CTNNA2: variants seen among roughly 807,000 people sequenced by gnomAD.
CTNNA2 encodes catenin alpha 2, also known as catenin alpha-2.
In CTNNA2, 42 loss-of-function variants were observed where a neutral mutation model predicts 101.0. That is an observed-to-expected ratio of 0.42 (90% confidence interval 0.32 to 0.54). CTNNA2 has a LOEUF of 0.54. Among genes scored for constraint, CTNNA2 ranks in the 20% least tolerant of loss-of-function variants. The pLI is 0.14. For missense variants in CTNNA2, 871 were observed against 1,223.1 expected, an observed-to-expected ratio of 0.71 and a Z score of 4.29; for synonymous variants, 450 against 456.4, an observed-to-expected ratio of 0.99 and a Z score of 0.18.
intron 7 of CTNNA2, among the ~76,000 whole-genome samples, chr2:80,381,711 G>A (rs1021038521): frequency 5.9e-5 from 9 of 152,142 alleles, no homozygotes; most frequent in East Asian, 3.9e-4. Context: ...CTGCCCACTG[G>A]CACCCACATA....
intron 9 of CTNNA2, among the ~76,000 whole-genome samples, chr2:80,463,424 T>G (rs959201522): frequency 6.6e-6 from 1 of 152,302 alleles, no homozygotes; most frequent in Middle Eastern, 3.4e-3. Context: ...AGGTAGGGAT[T>G]GCAGATCCTT....
intron 2 of CTNNA2, among the ~76,000 whole-genome samples, chr2:79,712,049 G>A (rs1024290023): frequency 6.6e-6 from 1 of 152,110 alleles, no homozygotes; most frequent in Non-Finnish European, 1.5e-5. Context: ...CTGTTCATGA[G>A]GCATTGATAA....
rs80173129 is a variant in CTNNA2, at chr2:79,991,627, T to C, written c.1056+81830T>C. Among the ~76,000 whole-genome samples the C allele has an allele frequency of 1.2e-3, 178 of 152,340 alleles. 5 individuals are homozygous for C. In the East Asian group the frequency reaches 0.034, roughly 29 times the overall value. On this transcript the variant is annotated intron_variant, in intron 7 of 18. Coordinates refer to ENST00000402739, the MANE Select transcript of CTNNA2 (RefSeq NM_001282597.3). ...ACTATAAATGTGTTTGTGTTATTAT[T>C]GTTTGTACTCATCTTAATTTCTATT...
chr2:79,724,575 G>C lies in CTNNA2; in HGVS notation c.103-19812G>C, dbSNP rs545498661. On this transcript the variant is annotated intron_variant, in intron 2 of 18. Transcript: ENST00000402739. ...TCACGCCTGTAACCCCAGTACTTTG[G>C]GAGGCTGAGGCGGTCGCATCAGGAG... 2.6e-5 allele frequency among the ~76,000 whole-genome samples: 4 copies of C among 152,072 alleles called. No individual in the cohort carries two copies. The East Asian group carries it at 7.8e-4, about 30-fold the overall frequency.
Position 80,109,409 on chromosome 2 carries a change from G to A in CTNNA2, c.1056+199612G>A, listed in dbSNP as rs562556640. On this transcript the variant is annotated intron_variant, in intron 7 of 18. Coordinates refer to ENST00000402739, the MANE Select transcript of CTNNA2 (RefSeq NM_001282597.3). ...CTGGGAGGTGGAGGTTGCAGTGAGC[G>A]GAGATTGCACCACTGCACTCCAGCC... 4.5e-4 allele frequency among the ~76,000 whole-genome samples: 69 copies of A among 152,092 alleles called. 2 individuals are homozygous for A. The South Asian group carries it at 9.5e-3, about 21-fold the overall frequency.
intron 4 of CTNNA2, among the ~76,000 whole-genome samples, chr2:79,464,820 T>C (rs1048749116): frequency 1.3e-5 from 2 of 152,220 alleles, no homozygotes; most frequent in African/African-American, 4.8e-5. Flanking sequence ...TGCCCACTTT[T>C]TGATGAAGTT....
chr2:79,280,656 T>TGTGTGTGTGTGTGTGTG (rs1337075035), intron 2 of CTNNA2, among the ~76,000 whole-genome samples: 2 of 96,758 alleles, frequency 2.1e-5, no homozygotes, highest in African/African-American at 8.6e-5. Flanking sequence ...TGTGTGTGTG[T>TGTGTGTGTGTGTGTGTG]AAGAGAAAGA....
chr2:79,810,413 A>G (rs992721053), intron 3 of CTNNA2, among the ~76,000 whole-genome samples: 1 of 151,954 alleles, frequency 6.6e-6, no homozygotes, highest in African/African-American at 2.4e-5. Flanking sequence ...TGATTCATTT[A>G]TCTCCCCCTG....
chr2:79,338,643 C>CTTCTTCTTCTTCTTCTTCTTCTTAG (rs1558634030), intron 3 of CTNNA2, among the ~76,000 whole-genome samples: 1 of 145,440 alleles, frequency 6.9e-6, no homozygotes, highest in Non-Finnish European at 1.5e-5. Flanking sequence ...TCTTCTTCTT[C>CTTCTTCTTCTTCTTCTTCTTCTTAG]AAAGATTCCT....
At chr2:79,342,884 A>G (rs543883524) in intron 3 of CTNNA2, among the ~76,000 whole-genome samples, 5 of 152,306 alleles carry the variant, frequency 3.3e-5, no homozygotes, top group Admixed American at 2.0e-4. Flanking sequence ...GAAGGTTCCA[A>G]TAATACTCTT....
At chr2:80,277,850 G>A (rs1370975299) in intron 7 of CTNNA2, among the ~76,000 whole-genome samples, 2 of 152,052 alleles carry the variant, frequency 1.3e-5, no homozygotes, top group East Asian at 3.9e-4. Context: ...TCAGAGCCCT[G>A]TTCTGCCCTT....
intron 9 of CTNNA2, among the ~76,000 whole-genome samples, chr2:80,483,573 G>A (rs1034867909): frequency 5.9e-5 from 9 of 152,132 alleles, no homozygotes; most frequent in African/African-American, 9.6e-5. Context: ...TCTTGGAAGA[G>A]GGGTGCAAGT....
intron 3 of CTNNA2, among the ~76,000 whole-genome samples, chr2:79,329,911 G>A (rs1466828465): frequency 6.6e-6 from 1 of 152,152 alleles, no homozygotes; most frequent in Non-Finnish European, 1.5e-5. Context: ...TTCTAGCAAA[G>A]TGAATCACTC....
chr2:80,346,608 T>C (rs1345385141), intron 7 of CTNNA2, among the ~76,000 whole-genome samples: 1 of 152,186 alleles, frequency 6.6e-6, no homozygotes, highest in Non-Finnish European at 1.5e-5. Flanking sequence ...CCTCAAGTTC[T>C]TCCATTTTCC....
At chr2:80,208,186 A>G (rs1293070916) in intron 7 of CTNNA2, among the ~76,000 whole-genome samples, 1 of 152,218 alleles carries the variant, frequency 6.6e-6, no homozygotes, top group Non-Finnish European at 1.5e-5. Flanking sequence ...AGGTCAATCA[A>G]TCCACTCCAT....
At chr2:80,147,166 A>C (rs866336288) in intron 7 of CTNNA2, among the ~76,000 whole-genome samples, 1 of 151,906 alleles carries the variant, frequency 6.6e-6, no homozygotes, top group African/African-American at 2.4e-5. Flanking sequence ...GGATTTCACT[A>C]TGTTGGTCAG....
At chr2:79,781,756 T>C (rs866255773) in intron 3 of CTNNA2, among the ~76,000 whole-genome samples, 2 of 152,136 alleles carry the variant, frequency 1.3e-5, no homozygotes, top group South Asian at 2.1e-4. Flanking sequence ...CTGATGATAA[T>C]TTATATCTGT....
chr2:80,137,730 C>T (rs1170371677), intron 7 of CTNNA2, among the ~76,000 whole-genome samples: 1 of 142,412 alleles, frequency 7.0e-6, no homozygotes, highest in African/African-American at 2.7e-5. Flanking sequence ...GCTGGATCTC[C>T]TGCCTTTTTT....
chr2:79,496,066 T>C (rs566542800), intron 4 of CTNNA2, among the ~76,000 whole-genome samples: 17 of 152,090 alleles, frequency 1.1e-4, no homozygotes, highest in Non-Finnish European at 2.2e-4. Context: ...GTTCTAAAAA[T>C]AGATAGTGGT....
Sources: gnomAD v4.1 joint callset for allele counts (sites outside exome capture counted in the v4.1 genomes callset) on GRCh38, gnomAD v4.1.1 for gene constraint, MANE v1.5 for transcripts, NCBI Gene and HGNC (gene_info 2026-07-23, HGNC 2026-07-21) for gene names.